The following KDM4B variants were observed in gnomAD, a reference collection of about 807,000 sequenced individuals.
The protein encoded by KDM4B is lysine demethylase 4B, also known as lysine-specific demethylase 4B.
Under a neutral mutation model 125.2 loss-of-function variants are expected in KDM4B, and 32 were observed. That is an observed-to-expected ratio of 0.26 (90% CI 0.19 to 0.34). KDM4B has a LOEUF of 0.34. Ranked by LOEUF, KDM4B falls within the 10% of genes least tolerant of loss-of-function variation. The pLI is 1.00. For missense variants in KDM4B, 1,190 were observed against 1,577.7 expected, an observed-to-expected ratio of 0.75 and a Z score of 4.16; for synonymous variants, 721 against 677.9, an observed-to-expected ratio of 1.06 and a Z score of -0.99.
chr19:4,970,081 T>C (rs570463000), intron 1 of KDM4B, among the ~76,000 whole-genome samples: 2 of 152,086 alleles, frequency 1.3e-5, no homozygotes, highest in African/African-American at 4.8e-5. Context: ...ACGGACTCGC[T>C]CTGAAATCTG....
rs942390729 is a variant in KDM4B at position 5,078,426 on chromosome 19, G to C, written c.780+956G>C. 1 of 152,150 alleles carries C rather than the reference G, an allele frequency of 6.6e-6. No homozygotes were observed. The highest frequency in any genetic ancestry group is 1.5e-5 in the Non-Finnish European group (1 of 68,056). The allele number at this position is 152,150 out of a possible 1,614,324, so 9.4% of individuals were successfully genotyped here. A position where few individuals can be genotyped will look rare whatever the true frequency, so the allele number is the denominator to read the frequency against. On this transcript the variant is annotated intron_variant, in intron 8 of 22. Transcript: ENST00000159111. This position sits in a 1 kb window ranked among gnomAD's most constrained non-coding sequence, Gnocchi z 4.5. The stretch of plus-strand genomic sequence containing the variant: ...CATCGGGGATCCGCTCTTCCTGGCG[G>C]GGCTGCAACCCAGAGGCCGCCTCCC...
In KDM4B at chr19:5,144,264, C is replaced by G; in HGVS notation, c.2753C>G (p.Ala918Gly). Residue 918 changes from alanine (A) to glycine (G), a missense_variant, in exon 20 of 23, where the codon GCC (alanine) becomes GGC (glycine). By Grantham distance (60) the Ala-to-Gly change is moderately conservative. Coordinates refer to ENST00000159111, the MANE Select transcript of KDM4B (RefSeq NM_015015.3). ...CCCTCCCAGGTCCAACTCCTGAGGGCCGTGTCCCTAGGCCAGGTGGTCATC... is the reference window on the plus strand; with the variant it reads ...CCCTCCCAGGTCCAACTCCTGAGGGGCGTGTCCCTAGGCCAGGTGGTCATC... ...SGGHAVQLLR[A>G]VSLGQVVITK... The G allele has an allele frequency of 1.3e-6, 2 of 1,598,350 alleles. No individual in the cohort carries two copies. The highest frequency in any genetic ancestry group is 1.7e-6 in the Non-Finnish European group (2 of 1,173,280).
intron 6 of KDM4B, among the ~76,000 whole-genome samples, chr19:5,068,868 A>G (rs2037859030): frequency 6.6e-6 from 1 of 152,232 alleles, no homozygotes; most frequent in Non-Finnish European, 1.5e-5. Flanking sequence ...GATTCAATTA[A>G]TCTTATCTTT....
At chr19:5,032,481 G>A (rs930490735) in intron 2 of KDM4B, among the ~76,000 whole-genome samples, 1 of 152,216 alleles carries the variant, frequency 6.6e-6, no homozygotes, top group Non-Finnish European at 1.5e-5. Context: ...CGCAGATGCC[G>A]CGGTCTCTCG....
At chr19:5,145,011 G>A in intron 21 of KDM4B, 109 bp downstream of exon 21, 1 of 1,449,182 alleles carries the variant, frequency 6.9e-7, no homozygotes, top group Non-Finnish European at 9.5e-7. Context: ...TGGGGCACTG[G>A]CGGGTGTGGG....
At chr19:5,108,065 G>A (rs1183716267) in intron 9 of KDM4B, among the ~76,000 whole-genome samples, 5 of 152,258 alleles carry the variant, frequency 3.3e-5, no homozygotes, top group African/African-American at 1.2e-4. Context: ...AGCCGTGCCA[G>A]CCCCAGCCGG....
Position 5,131,264 on chromosome 19 carries a change from C to T in KDM4B, c.1504C>T (p.Leu502=). The change falls in exon 12 of 23, where the codon CTG becomes TTG. Residue 502 remains leucine, a synonymous_variant. Transcript: ENST00000159111. ...PGPAAMEESP[L]PAPLNVVPPE... is the part of the protein sequence containing the mutation. ...CCCTGCAGCCATGGAGGAGAGCCCC[C>T]TGCCGGCACCCCTTAATGTCGTGCC... 6.2e-7 allele frequency: 1 copy of T among 1,610,248 alleles called. No homozygotes were observed. The highest frequency in any genetic ancestry group is 8.5e-7 in the Non-Finnish European group (1 of 1,178,596).
chr19:5,022,996 A>T (rs1436889386), intron 2 of KDM4B, among the ~76,000 whole-genome samples: 1 of 152,136 alleles, frequency 6.6e-6, no homozygotes, highest in African/African-American at 2.4e-5. Flanking sequence ...TAATCCCTGG[A>T]ACCCATGAAT....
At chr19:5,010,613 A>G (rs2035698265) in intron 1 of KDM4B, among the ~76,000 whole-genome samples, 2 of 152,142 alleles carry the variant, frequency 1.3e-5, no homozygotes, top group Non-Finnish European at 2.9e-5. Flanking sequence ...TGTGGAGGAA[A>G]GCTGTCCCTC....
chr19:5,039,483 C>T (rs952453989), intron 3 of KDM4B, among the ~76,000 whole-genome samples: 5 of 152,106 alleles, frequency 3.3e-5, no homozygotes, highest in East Asian at 3.9e-4. Flanking sequence ...CCTCAAAATA[C>T]GAGTCTCTGA....
At chr19:4,994,136 G>T (rs535909873) in intron 1 of KDM4B, among the ~76,000 whole-genome samples, 1 of 149,832 alleles carries the variant, frequency 6.7e-6, no homozygotes, top group East Asian at 2.0e-4. Flanking sequence ...CTGTAGAGAC[G>T]GGTTTTGCCA....
chr19:5,087,760 T>C (rs1013638417), intron 9 of KDM4B, among the ~76,000 whole-genome samples: 22 of 152,180 alleles, frequency 1.4e-4, no homozygotes, highest in African/African-American at 3.6e-4. Flanking sequence ...AGCCTCGGTG[T>C]GCGACGTTTC....
chr19:5,019,605 TGGGTGTTCGTGTGG>T, intron 2 of KDM4B, among the ~76,000 whole-genome samples: 1 of 138,196 alleles, frequency 7.2e-6, no homozygotes, highest in Non-Finnish European at 1.5e-5. Flanking sequence ...GGTGTTGGTG[TGGGTGTTCGTGTGG>T]GGGTGTTGGT....
Position 5,133,945 on chromosome 19 carries a change from T to TCTC in KDM4B, c.1970_1972dup (p.Ser657_Leu658insPro). ...CCCGGACGCCTTGAGGCCGCTGCTG[T>TCTC]CTCTGCAGTGGAAGAACAGGGCGGC... On this transcript the variant is annotated inframe_insertion, in exon 14 of 23. Coordinates refer to ENST00000159111, the MANE Select transcript of KDM4B (RefSeq NM_015015.3). 3.7e-6 allele frequency: 6 copies of TCTC among 1,613,088 alleles called. No homozygotes were observed. The highest frequency in any genetic ancestry group is 5.1e-6 in the Non-Finnish European group (6 of 1,179,942).
At chr19:5,117,842 C>G (rs550444965) in intron 10 of KDM4B, among the ~76,000 whole-genome samples, 109 of 152,296 alleles carry the variant, frequency 7.2e-4, no homozygotes, top group Non-Finnish European at 1.2e-3. Flanking sequence ...CTCTGGTCCA[C>G]CCGCTTTCTG....
chr19:5,003,213 C>T lies in KDM4B; in HGVS notation c.-108-13044C>T, dbSNP rs142937325. On this transcript the variant is annotated intron_variant, in intron 1 of 22. Coordinates refer to ENST00000159111, the MANE Select transcript of KDM4B (RefSeq NM_015015.3). ...TGATTAAAAAAATCCCTGCTTGGGC[C>T]GGGCATGGTGGCTCACGCCTGTGAT... Among the ~76,000 whole-genome samples the T allele has an allele frequency of 2.6e-3, 398 of 152,174 alleles. 2 individuals are homozygous for T. Among genetic ancestry groups the T allele is most frequent in the Middle Eastern group, 0.01 (3 of 290 alleles).
intron 6 of KDM4B, among the ~76,000 whole-genome samples, chr19:5,069,803 C>T (rs1444031503): frequency 1.3e-5 from 2 of 151,950 alleles, no homozygotes; most frequent in African/African-American, 4.8e-5. Context: ...GGAGGGGTTT[C>T]ACCATGTTGG....
intron 9 of KDM4B, among the ~76,000 whole-genome samples, chr19:5,092,259 C>T (rs1034082939): frequency 6.6e-6 from 1 of 152,180 alleles, no homozygotes; most frequent in African/African-American, 2.4e-5. Flanking sequence ...CTGGGCACTG[C>T]ACGGTGCTGA....
chr19:5,051,730 C>G (rs1472018445), intron 6 of KDM4B, among the ~76,000 whole-genome samples: 1 of 152,262 alleles, frequency 6.6e-6, no homozygotes, highest in Non-Finnish European at 1.5e-5. Context: ...ATCCTGCACC[C>G]AGGTGAAGCC....
Sources: gnomAD v4.1 joint callset for allele counts (sites outside exome capture counted in the v4.1 genomes callset) on GRCh38, gnomAD v4.1.1 for gene constraint, Gnocchi (gnomAD v3.1) non-coding constraint, MANE v1.5 for transcripts, NCBI Gene and HGNC (gene_info 2026-07-23, HGNC 2026-07-21) for gene names.